The following CMYA5 variants were observed in gnomAD, a reference collection of about 807,000 sequenced individuals.
CMYA5 encodes cardiomyopathy associated 5.
A neutral mutation model predicts 318.9 loss-of-function variants in CMYA5; 246 were observed. The observed-to-expected ratio is 0.77, with a 90% CI of 0.70 to 0.86. The LOEUF (loss-of-function observed/expected upper bound fraction) is 0.86, where lower values mean the gene tolerates loss of function less well. Ranked by LOEUF, CMYA5 falls within the 40% of genes least tolerant of loss-of-function variation. The pLI, the probability that CMYA5 is intolerant of heterozygous loss-of-function variation, is 0.00. For synonymous variants in CMYA5, 1,641 were observed against 1,729.5 expected (o/e 0.95, Z 1.27); for missense variants, 4,589 against 4,678.2 (o/e 0.98, Z 0.56).
chr5:79,742,361 A>G (rs966011528), intron 2 of CMYA5, among the ~76,000 whole-genome samples: 6 of 151,872 alleles, frequency 4.0e-5, no homozygotes, highest in African/African-American at 1.5e-4. Context: ...TACTTTTTAA[A>G]TTTTTAGTGG....
chr5:79,763,643 A>T (rs1010440870), intron 9 of CMYA5, among the ~76,000 whole-genome samples: 20 of 152,324 alleles, frequency 1.3e-4, no homozygotes, highest in Non-Finnish European at 1.9e-4. Flanking sequence ...AATTACATGT[A>T]TATTATCATG....
In CMYA5 at chr5:79,789,118, T is replaced by G. The variant is rs1829132888; in HGVS notation, c.11689+14T>G. On this transcript the variant is annotated intron_variant, in intron 10 of 12. Transcript: ENST00000446378. ...TCTCCACCAGAGGTACTTTCTCCTTTGCACACAGTGAGCTATTTCCAAGCT... is the reference window on the plus strand; with the variant it reads ...TCTCCACCAGAGGTACTTTCTCCTTGGCACACAGTGAGCTATTTCCAAGCT... The G allele has an allele frequency of 1.9e-6, 3 of 1,613,240 alleles. No individual in the cohort carries two copies. The highest frequency in any genetic ancestry group is 1.7e-5 in the Admixed American group (1 of 59,956).
chr5:79,752,591 C>G, intron 5 of CMYA5, 85 bp from the exon 6 acceptor site: 1 of 927,444 alleles, frequency 1.1e-6, no homozygotes, highest in South Asian at 1.6e-5. Context: ...ACTACCAACA[C>G]CAGCTTCATT....
At chr5:79,791,098 C>T (rs1829170310) in intron 11 of CMYA5, 29 bp downstream of exon 11, 1 of 1,524,898 alleles carries the variant, frequency 6.6e-7, no homozygotes, top group Non-Finnish European at 9.1e-7. Context: ...CACAAGTGGG[C>T]TGATGGCCCA....
At chr5:79,770,138 C>T (rs549285309) in intron 9 of CMYA5, among the ~76,000 whole-genome samples, 21 of 152,258 alleles carry the variant, frequency 1.4e-4, no homozygotes, top group African/African-American at 4.1e-4. Context: ...TCAGTAATGG[C>T]GGACGCCCCT....
chr5:79,726,909 ATTTTTTTTT>A lies in CMYA5; in HGVS notation c.150-1991_150-1983del, dbSNP rs34198193. On this transcript the variant is annotated intron_variant, in intron 1 of 12. Transcript: ENST00000446378. ...AGAGCTAGGATTGTTTAGGCCAGTG[ATTTTTTTTT>A]TTTTTTTTTTTTTTGAGACGGAGTT... Among the ~76,000 whole-genome samples the A allele has an allele frequency of 1.0e-3, 100 of 96,042 alleles. 2 individuals are homozygous for A. The highest frequency in any genetic ancestry group is 4.9e-3 in the African/African-American group (94 of 19,250). 63.0% of individuals were successfully genotyped at this position (96,042 alleles called of 152,430 possible).
At chr5:79,724,895 C>G (rs992016098) in intron 1 of CMYA5, among the ~76,000 whole-genome samples, 1 of 152,134 alleles carries the variant, frequency 6.6e-6, no homozygotes, top group Non-Finnish European at 1.5e-5. Context: ...TTTTTATATC[C>G]TATGACCTTT....
At chr5:79,786,339 A>T (rs146071809) in intron 9 of CMYA5, among the ~76,000 whole-genome samples, 4 of 152,334 alleles carry the variant, frequency 2.6e-5, no homozygotes, top group Non-Finnish European at 5.9e-5. Flanking sequence ...AGGATCCCAC[A>T]CTTAGGGCCC....
At chr5:79,769,154 T>C (rs1828810357) in intron 9 of CMYA5, among the ~76,000 whole-genome samples, 1 of 152,034 alleles carries the variant, frequency 6.6e-6, no homozygotes, top group South Asian at 2.1e-4. Context: ...TTAGGTCATT[T>C]ATGTTCTTCT....
At chr5:79,767,460 A>C (rs149817476) in intron 9 of CMYA5, among the ~76,000 whole-genome samples, 4,417 of 152,272 alleles carry the variant, frequency 0.029, 224 homozygotes, top group African/African-American at 0.1. Context: ...ATTTCCCTCT[A>C]AACACTGCTT....
chr5:79,751,943 G>T (rs945824637), intron 5 of CMYA5, among the ~76,000 whole-genome samples: 1 of 152,166 alleles, frequency 6.6e-6, no homozygotes, highest in Non-Finnish European at 1.5e-5. Context: ...CAAGTGCAGT[G>T]GGTCTGCTGG....
Position 79,732,462 on chromosome 5 carries a change from G to C in CMYA5, c.3697G>C (p.Val1233Leu), listed in dbSNP as rs1461310588. The change falls in exon 2 of 13, where the codon GTT becomes CTT. Residue 1233 changes from valine to leucine, a missense_variant. Val to Leu is a conservative substitution (Grantham distance 32). Coordinates refer to ENST00000446378, the MANE Select transcript of CMYA5 (RefSeq NM_153610.5). ...AAAAATGGAGCCTCAGCCTCCAAAT[G>C]TTCCAGAGTCTGAGATGAAATATTC... ...DQKMEPQPPN[V>L]PESEMKYSVL... 6.2e-7 allele frequency: 1 copy of C among 1,613,264 alleles called. No individual in the cohort carries two copies. Among genetic ancestry groups the C allele is most frequent in the South Asian group, 1.1e-5 (1 of 90,892 alleles).
intron 6 of CMYA5, among the ~76,000 whole-genome samples, chr5:79,753,345 T>C (rs1828468341): frequency 6.6e-6 from 1 of 152,250 alleles, no homozygotes; most frequent in East Asian, 1.9e-4. Context: ...TATTTTTTAA[T>C]GTGCTATTTT....
chr5:79,753,503 A>G, intron 6 of CMYA5, among the ~76,000 whole-genome samples: 1 of 152,238 alleles, frequency 6.6e-6, no homozygotes, highest in East Asian at 1.9e-4. Context: ...GATTACAGCT[A>G]TTCAGGAGGC....
chr5:79,794,907 A>C (rs1388461095), intron 12 of CMYA5, among the ~76,000 whole-genome samples: 1 of 152,186 alleles, frequency 6.6e-6, no homozygotes, highest in African/African-American at 2.4e-5. Flanking sequence ...ATTGATATTC[A>C]GTGCTGTGCA....
chr5:79,711,079 G>C (rs16877070), intron 1 of CMYA5, among the ~76,000 whole-genome samples: 3,884 of 152,266 alleles, frequency 0.026, 148 homozygotes, highest in African/African-American at 0.089. Flanking sequence ...AAGGCTACTA[G>C]CAAGTTATTT....
intron 1 of CMYA5, among the ~76,000 whole-genome samples, chr5:79,723,818 C>T (rs1252920096): frequency 6.6e-6 from 1 of 151,058 alleles, no homozygotes; most frequent in Non-Finnish European, 1.5e-5. Context: ...AGGGTAATAT[C>T]ACTCATTAAC....
intron 1 of CMYA5, among the ~76,000 whole-genome samples, chr5:79,717,728 C>A (rs1345811804): frequency 6.6e-6 from 1 of 152,118 alleles, no homozygotes; most frequent in Non-Finnish European, 1.5e-5. Context: ...CTTATTCTTT[C>A]CATCCACAAT....
intron 5 of CMYA5, among the ~76,000 whole-genome samples, chr5:79,751,096 C>T (rs1020093236): frequency 6.6e-6 from 1 of 152,148 alleles, no homozygotes; most frequent in African/African-American, 2.4e-5. Flanking sequence ...GACCTCAGAC[C>T]TCCCTCCTCT....
Sources: gnomAD v4.1 joint callset for allele counts (sites outside exome capture counted in the v4.1 genomes callset) on GRCh38, gnomAD v4.1.1 for gene constraint, MANE v1.5 for transcripts, NCBI Gene and HGNC (gene_info 2026-07-23, HGNC 2026-07-21) for gene names.